Variants in PTPN4 observed in about 807,000 individuals in gnomAD.
PTPN4 encodes the protein tyrosine-protein phosphatase non-receptor type 4.
PTPN4 carries 49 observed loss-of-function variants against 135.5 expected under a neutral mutation model. The ratio of observed to expected loss-of-function variants is 0.36; its 90% CI spans 0.29 to 0.46. PTPN4 has a LOEUF of 0.46. Among genes scored for constraint, PTPN4 ranks in the 20% least tolerant of loss-of-function variants. PTPN4 has a pLI of 1.00. For missense variants in PTPN4, 860 were observed against 1,101.0 expected, an observed-to-expected ratio of 0.78 and a Z score of 3.10; for synonymous variants, 333 against 369.9, an observed-to-expected ratio of 0.90 and a Z score of 1.14.
intron 2 of PTPN4, among the ~76,000 whole-genome samples, chr2:119,852,389 G>A (rs528698907): frequency 1.3e-5 from 2 of 152,328 alleles, no homozygotes; most frequent in Admixed American, 6.5e-5. Context: ...TGCTCTTGCA[G>A]TTGTAACAGG....
At chr2:119,955,793 C>T (rs912815938) in intron 20 of PTPN4, among the ~76,000 whole-genome samples, 2 of 151,786 alleles carry the variant, frequency 1.3e-5, no homozygotes, top group Non-Finnish European at 2.9e-5. Flanking sequence ...AAAAATTAGC[C>T]GGGTGTGGTG....
At chr2:119,848,813 C>G (rs1375923595) in intron 2 of PTPN4, among the ~76,000 whole-genome samples, 1 of 150,094 alleles carries the variant, frequency 6.7e-6, no homozygotes, top group Admixed American at 6.6e-5. Flanking sequence ...GTTGGTCAGG[C>G]TGGTCTCAAA....
In PTPN4 at chr2:119,895,783, C is replaced by T. The variant is rs886158460; in HGVS notation, c.676-4935C>T. On this transcript the variant is annotated intron_variant, in intron 9 of 26. Coordinates refer to ENST00000263708, the MANE Select transcript of PTPN4 (RefSeq NM_002830.4). ...AAAAATACAAAAAATTAGCTGGGCG[C>T]GGTGGCGGGCTCAGTCCCAGCTACT... Among the ~76,000 whole-genome samples the T allele has an allele frequency of 5.9e-5, 9 of 151,386 alleles. No individual in the cohort carries two copies. In the South Asian group the frequency reaches 8.4e-4, roughly 14 times the overall value.
chr2:119,870,887 C>A (rs1995916), intron 3 of PTPN4, among the ~76,000 whole-genome samples: 75,319 of 151,584 alleles, frequency 0.5, 19,940 homozygotes, highest in African/African-American at 0.7. Flanking sequence ...ACAATAGTTC[C>A]TGCATTTGTA....
intron 13 of PTPN4, among the ~76,000 whole-genome samples, chr2:119,926,887 G>A (rs1251940171): frequency 6.6e-6 from 1 of 152,048 alleles, no homozygotes; most frequent in African/African-American, 2.4e-5. Context: ...GCCAGGCATT[G>A]CAGTTCTGAA....
At position 119,760,138 on chromosome 2, in the gene PTPN4, G is replaced by A; in HGVS notation, c.-264G>A. ...GTGTGGATTATCTCATCCCTGCAGG[G>A]AGGTAGGAGAGGTCGCCGGCTGCCC... On this transcript the variant is annotated 5_prime_UTR_variant, in exon 1 of 27. Coordinates refer to ENST00000263708, the MANE Select transcript of PTPN4 (RefSeq NM_002830.4). The A allele has an allele frequency of 2.6e-6, 1 of 392,102 alleles. No homozygotes were observed. The highest frequency in any genetic ancestry group is 3.6e-5 in the East Asian group (1 of 27,550). 24.3% of individuals were successfully genotyped at this position (392,102 alleles called of 1,614,324 possible).
rs535763924 is a variant in PTPN4, at chr2:119,863,213, T to C, written c.246+570T>C. On this transcript the variant is annotated intron_variant, in intron 3 of 26. Coordinates refer to ENST00000263708, the MANE Select transcript of PTPN4 (RefSeq NM_002830.4). ...AATTAGATAGATCACATCATAGAAA[T>C]AGAAGATAGCATGTGATGAATAATA... 2.0e-4 allele frequency among the ~76,000 whole-genome samples: 31 copies of C among 152,212 alleles called. 1 individual carries two copies. The South Asian group carries it at 6.4e-3, about 32-fold the overall frequency.
intron 9 of PTPN4, among the ~76,000 whole-genome samples, chr2:119,898,087 A>C (rs1001664169): frequency 2.0e-5 from 3 of 152,254 alleles, no homozygotes; most frequent in Non-Finnish European, 2.9e-5. Flanking sequence ...TTGGAAACTT[A>C]AACAACAAAA....
chr2:119,872,442 G>A (rs1256852051), intron 3 of PTPN4, among the ~76,000 whole-genome samples: 3 of 152,186 alleles, frequency 2.0e-5, no homozygotes, highest in Non-Finnish European at 4.4e-5. Flanking sequence ...ATATTTTACA[G>A]ATGAAATAGG....
intron 2 of PTPN4, among the ~76,000 whole-genome samples, chr2:119,826,738 A>C (rs994361605): frequency 6.6e-6 from 1 of 152,176 alleles, no homozygotes; most frequent in Non-Finnish European, 1.5e-5. Flanking sequence ...TTTTTAAAAT[A>C]ATCTTAGGTG....
chr2:119,876,943 G>A (rs995184878), intron 3 of PTPN4, among the ~76,000 whole-genome samples: 2 of 149,864 alleles, frequency 1.3e-5, no homozygotes, highest in Admixed American at 1.3e-4. Flanking sequence ...GTGTGTGTGC[G>A]TGAAGGGTGA....
At chr2:119,962,572 A>C (rs1469488793) in intron 23 of PTPN4, 44 bp from the exon 24 acceptor site, 9 of 1,078,260 alleles carry the variant, frequency 8.3e-6, no homozygotes, top group Non-Finnish European at 1.1e-5. Context: ...ACATGAATCC[A>C]TATGTATATA....
At position 119,962,758 on chromosome 2, in the gene PTPN4, A is replaced by G. The variant is rs769737798; in HGVS notation, c.2409+14A>G. On this transcript the variant is annotated intron_variant, in intron 24 of 26. Transcript: ENST00000263708. ...TTTAACCAAGAGGTAAGAAGGCAGGATATCTGTTCATTAGAACTGTTGTGT... is the reference window on the plus strand; with the variant it reads ...TTTAACCAAGAGGTAAGAAGGCAGGGTATCTGTTCATTAGAACTGTTGTGT... 3.9e-6 allele frequency: 6 copies of G among 1,545,858 alleles called. No homozygotes were observed. The highest frequency in any genetic ancestry group is 5.3e-6 in the Non-Finnish European group (6 of 1,135,164).
intron 2 of PTPN4, among the ~76,000 whole-genome samples, chr2:119,813,216 G>T (rs1676928056): frequency 6.6e-6 from 1 of 151,880 alleles, no homozygotes; most frequent in African/African-American, 2.4e-5. Flanking sequence ...TGATATCCTG[G>T]ACTTCTTCAT....
At chr2:119,851,091 G>A (rs970098306) in intron 2 of PTPN4, among the ~76,000 whole-genome samples, 4 of 152,184 alleles carry the variant, frequency 2.6e-5, no homozygotes, top group Middle Eastern at 3.2e-3. Flanking sequence ...TTTTCTGGAG[G>A]AAGATTGTGT....
At chr2:119,892,705 C>CT (rs924486946) in intron 9 of PTPN4, among the ~76,000 whole-genome samples, 283 of 144,416 alleles carry the variant, frequency 2.0e-3, no homozygotes, top group African/African-American at 3.8e-3. Context: ...ACTTTTAAGA[C>CT]TTTTTTTTTT....
At chr2:119,922,012 A>G (rs1011722716) in intron 12 of PTPN4, among the ~76,000 whole-genome samples, 15 of 152,316 alleles carry the variant, frequency 9.8e-5, no homozygotes, top group African/African-American at 3.4e-4. Flanking sequence ...GTCTTCAACT[A>G]TAATTCAAGC....
At chr2:119,874,490 C>T (rs750747043) in intron 3 of PTPN4, among the ~76,000 whole-genome samples, 9 of 152,188 alleles carry the variant, frequency 5.9e-5, no homozygotes, top group Non-Finnish European at 1.3e-4. Context: ...CCAAGAAAAC[C>T]TTGTCTGTGA....
At position 119,890,860 on chromosome 2, in the gene PTPN4, A is replaced by G. The variant is rs114781702; in HGVS notation, c.675+4978A>G. On this transcript the variant is annotated intron_variant, in intron 9 of 26. Transcript: ENST00000263708. ...CATTTATAAGTGATAATTTTGATGGATATAGTATTCTGGAGTGGCAGGTTT... is the reference window on the plus strand; with the variant it reads ...CATTTATAAGTGATAATTTTGATGGGTATAGTATTCTGGAGTGGCAGGTTT... Among the ~76,000 whole-genome samples the G allele has an allele frequency of 3.4e-3, 510 of 152,194 alleles. 2 individuals carry two copies. The highest frequency in any genetic ancestry group is 0.012 in the African/African-American group (483 of 41,512).
Sources: allele counts gnomAD v4.1 joint callset (sites outside exome capture counted in the v4.1 genomes callset), GRCh38; gene constraint gnomAD v4.1.1; transcripts MANE v1.5; gene names NCBI Gene and HGNC (gene_info 2026-07-23, HGNC 2026-07-21).